The following FGF14 variants were observed in gnomAD, a reference collection of about 807,000 sequenced individuals.
FGF14 encodes fibroblast growth factor homologous factor 4.
In FGF14, 5 loss-of-function variants were observed where a neutral mutation model predicts 25.5. The ratio of observed to expected loss-of-function variants is 0.20; its 90% confidence interval spans 0.10 to 0.41. The LOEUF (loss-of-function observed/expected upper bound fraction) is 0.41. FGF14 is among the 10% of genes least tolerant of loss of function. The pLI is 1.00. For missense variants in FGF14, 222 were observed against 320.1 expected (o/e 0.69, Z 2.34); for synonymous variants, 138 against 118.3 (o/e 1.17, Z -1.08).
chr13:102,230,075 T>G (rs1181362612), intron 1 of FGF14, among the ~76,000 whole-genome samples: 1 of 152,038 alleles, frequency 6.6e-6, no homozygotes, highest in African/African-American at 2.4e-5. Flanking sequence ...GGGGAGGAGA[T>G]TGGGTCAAGA....
chr13:102,283,809 C>T (rs1382265239), intron 1 of FGF14, among the ~76,000 whole-genome samples: 1 of 152,202 alleles, frequency 6.6e-6, no homozygotes, highest in East Asian at 1.9e-4. Flanking sequence ...GTCTGCCACT[C>T]ACTAGCTTTG....
rs187745749 is a variant in FGF14 at position 102,127,001 on chromosome 13, A to G, written c.209-251705T>C. ...TTGCTTTGAGGTAACAAGCTGAGTA[A>G]GTAACTGCAGGGTCACTAGAACTGC... On this transcript the variant is annotated intron_variant, in intron 1 of 4. Transcript: ENST00000376131. Among the ~76,000 whole-genome samples, 311 of 152,336 alleles carry G rather than the reference A, an allele frequency of 2.0e-3. 2 individuals are homozygous for G. The highest frequency in any genetic ancestry group is 4.7e-3 in the Admixed American group (72 of 15,304).
intron 3 of FGF14, among the ~76,000 whole-genome samples, chr13:101,790,486 T>C (rs776325037): frequency 2.6e-5 from 4 of 151,704 alleles, no homozygotes; most frequent in African/African-American, 7.3e-5. Flanking sequence ...TATTGTGTGA[T>C]GGGAAGGAGG....
chr13:102,271,308 A>G (rs1233019024), intron 1 of FGF14, among the ~76,000 whole-genome samples: 2 of 151,868 alleles, frequency 1.3e-5, no homozygotes, highest in Non-Finnish European at 2.9e-5. Flanking sequence ...GCAAAATAAA[A>G]CTCCATCATA....
chr13:101,832,766 G>A (rs184299622), intron 3 of FGF14, among the ~76,000 whole-genome samples: 7 of 152,126 alleles, frequency 4.6e-5, no homozygotes, highest in African/African-American at 1.2e-4. Flanking sequence ...TAAATGAAGA[G>A]TAATGAGATA....
At chr13:101,758,351 C>G (rs570404548) in intron 3 of FGF14, among the ~76,000 whole-genome samples, 1 of 152,292 alleles carries the variant, frequency 6.6e-6, no homozygotes, top group Middle Eastern at 3.4e-3. Flanking sequence ...AGAGTAGGAG[C>G]GAGTTTGCAT....
intron 1 of FGF14, among the ~76,000 whole-genome samples, chr13:102,047,055 C>T (rs184254944): frequency 2.6e-5 from 4 of 151,966 alleles, no homozygotes; most frequent in African/African-American, 7.3e-5. Flanking sequence ...CAACTCTGGA[C>T]AGGAATTGGC....
At chr13:101,768,575 C>G (rs1048851108) in intron 3 of FGF14, among the ~76,000 whole-genome samples, 2 of 152,080 alleles carry the variant, frequency 1.3e-5, no homozygotes, top group Non-Finnish European at 2.9e-5. Context: ...ACTCACTATA[C>G]AGTTACCATA....
chr13:101,962,792 G>A (rs939207409), intron 1 of FGF14, among the ~76,000 whole-genome samples: 3 of 152,080 alleles, frequency 2.0e-5, no homozygotes, highest in Admixed American at 2.0e-4. Context: ...CAATAATTTA[G>A]AGTACTGCAT....
At chr13:102,172,383 AC>A (rs1233239443) in intron 1 of FGF14, among the ~76,000 whole-genome samples, 4 of 152,066 alleles carry the variant, frequency 2.6e-5, no homozygotes, top group Non-Finnish European at 5.9e-5. Context: ...TGGGGACAAG[AC>A]CAAAAAGGCA....
intron 3 of FGF14, among the ~76,000 whole-genome samples, chr13:101,763,936 T>C (rs2038217257): frequency 6.6e-6 from 1 of 151,870 alleles, no homozygotes; most frequent in Admixed American, 6.6e-5. Flanking sequence ...TGAAGGAGCT[T>C]TGTGTGTGGA....
chr13:102,210,324 T>C (rs1159620625), intron 1 of FGF14, among the ~76,000 whole-genome samples: 6 of 151,964 alleles, frequency 3.9e-5, no homozygotes, highest in Admixed American at 2.0e-4. Context: ...AAAGAAGAGA[T>C]TATTTATGTA....
intron 3 of FGF14, among the ~76,000 whole-genome samples, chr13:101,859,455 T>G (rs1260895598): frequency 2.0e-5 from 3 of 152,130 alleles, no homozygotes; most frequent in Non-Finnish European, 4.4e-5. Flanking sequence ...ATCTTTGAAG[T>G]CTTCGCACAT....
chr13:102,077,494 A>G (rs920301129), intron 1 of FGF14, among the ~76,000 whole-genome samples: 20 of 152,316 alleles, frequency 1.3e-4, no homozygotes, highest in Admixed American at 4.6e-4. Context: ...ATGAATAGTT[A>G]TCTCTCAAAA....
At chr13:102,154,310 C>T (rs1371645262) in intron 1 of FGF14, among the ~76,000 whole-genome samples, 3 of 151,606 alleles carry the variant, frequency 2.0e-5, no homozygotes, top group South Asian at 2.1e-4. Context: ...AGACTAACAG[C>T]GGATCTCTCG....
At chr13:101,906,262 T>G (rs1456004917) in intron 1 of FGF14, among the ~76,000 whole-genome samples, 7 of 152,156 alleles carry the variant, frequency 4.6e-5, no homozygotes, top group Non-Finnish European at 1.0e-4. Flanking sequence ...GATGAGGTAA[T>G]TATTGAACAA....
intron 1 of FGF14, among the ~76,000 whole-genome samples, chr13:101,886,145 T>C (rs1275169544): frequency 3.3e-5 from 5 of 152,170 alleles, no homozygotes; most frequent in Non-Finnish European, 5.9e-5. Context: ...TTGGATTATA[T>C]GGAAAACAGC....
At chr13:102,372,452 C>A (rs1454110097) in intron 1 of FGF14, among the ~76,000 whole-genome samples, 2 of 152,126 alleles carry the variant, frequency 1.3e-5, no homozygotes, top group Non-Finnish European at 2.9e-5. Flanking sequence ...AGAAGACTAG[C>A]GATGAAGACA....
At chr13:101,868,185 C>T (rs1031762526) in intron 3 of FGF14, among the ~76,000 whole-genome samples, 2 of 151,984 alleles carry the variant, frequency 1.3e-5, no homozygotes, top group Admixed American at 6.6e-5. Context: ...GAGTGCAAAT[C>T]GGTTGTAAAT....
Sources: gnomAD v4.1 joint callset for allele counts (sites outside exome capture counted in the v4.1 genomes callset) on GRCh38, gnomAD v4.1.1 for gene constraint, MANE v1.5 for transcripts, NCBI Gene and HGNC (gene_info 2026-07-23, HGNC 2026-07-21) for gene names.